PRRC1: variants seen among roughly 807,000 people sequenced by gnomAD.
PRRC1 encodes the protein protein PRRC1.
Under a neutral mutation model 40.7 loss-of-function variants are expected in PRRC1, and 39 were observed. That is an observed-to-expected ratio of 0.96 (90% CI 0.74 to 1.25). The LOEUF is 1.25. Ranked by LOEUF, PRRC1 falls within the 50% of genes most tolerant of loss-of-function variation. The pLI is 0.00. For missense variants in PRRC1, 573 were observed against 548.3 expected (o/e 1.05, Z -0.45); for synonymous variants, 175 against 193.3 (o/e 0.91, Z 0.79).
At chr5:127,543,778 AT>A (rs1207825622) in intron 7 of PRRC1, among the ~76,000 whole-genome samples, 1 of 152,002 alleles carries the variant, frequency 6.6e-6, no homozygotes, top group Non-Finnish European at 1.5e-5. Flanking sequence ...ATTCGTCTAA[AT>A]TTTTTTCAAA....
intron 6 of PRRC1, among the ~76,000 whole-genome samples, chr5:127,536,214 T>C (rs941288520): frequency 2.0e-5 from 3 of 151,828 alleles, no homozygotes; most frequent in African/African-American, 7.3e-5. Flanking sequence ...CCAATAAGAG[T>C]TTCTTTGGTG....
At chr5:127,529,512 A>G (rs1183357836) in intron 4 of PRRC1, among the ~76,000 whole-genome samples, 2 of 152,168 alleles carry the variant, frequency 1.3e-5, no homozygotes, top group Non-Finnish European at 2.9e-5. Context: ...GCAGTCTTAA[A>G]TTTCAATTTT....
intron 8 of PRRC1, 163 bp from the exon 9 acceptor site, chr5:127,551,544 C>T: frequency 1.5e-6 from 1 of 685,474 alleles, no homozygotes; most frequent in East Asian, 2.7e-5. Flanking sequence ...TGATTGTGTT[C>T]TAGCCTTGTA....
At position 127,533,693 on chromosome 5, in the gene PRRC1, C is replaced by T. The variant is rs375327219; in HGVS notation, c.828C>T (p.Ala276=). The T allele has an allele frequency of 6.2e-7, 1 of 1,614,044 alleles. No individual in the cohort carries two copies. The highest frequency in any genetic ancestry group is 8.5e-7 in the Non-Finnish European group (1 of 1,179,960). The stretch of plus-strand genomic sequence containing the variant: ...TAAAAGTTGCTGCTGTCCGAGATGC[C>T]TTCCAGGAGGTCTTTGGCTTAGCTG... ...KEVKVAAVRD[A]FQEVFGLAVV... Residue 276 remains alanine (A), a synonymous_variant, in exon 6 of 9, where the codon GCC becomes GCT. Coordinates refer to ENST00000296666, the MANE Select transcript of PRRC1 (RefSeq NM_130809.5).
At chr5:127,545,854 G>C (rs1768204343) in intron 7 of PRRC1, among the ~76,000 whole-genome samples, 1 of 151,932 alleles carries the variant, frequency 6.6e-6, no homozygotes, top group Non-Finnish European at 1.5e-5. Context: ...TTCTCTGGCT[G>C]CTTTTAGGAT....
chr5:127,527,169 T>C (rs1378524827), intron 4 of PRRC1, among the ~76,000 whole-genome samples: 3 of 152,244 alleles, frequency 2.0e-5, no homozygotes, highest in African/African-American at 4.8e-5. Context: ...CATTTTCTAA[T>C]TGTAATTATT....
Position 127,553,658 on chromosome 5 carries a change from C to T in PRRC1, c.*1742C>T, listed in dbSNP as rs1580958740. ...TTACTTAAAATAGTTCTGCTACTTTCCCTCCTATTATAAGGAAATCTTACA... is the reference window on the plus strand; with the variant it reads ...TTACTTAAAATAGTTCTGCTACTTTTCCTCCTATTATAAGGAAATCTTACA... On this transcript the variant is annotated 3_prime_UTR_variant, in exon 9 of 9. Transcript: ENST00000296666. 4 of 1,445,716 alleles carry T rather than the reference C, an allele frequency of 2.8e-6. No homozygotes were observed. The highest frequency in any genetic ancestry group is 5.3e-5 in the Admixed American group (2 of 37,844). The allele number at this position is 1,445,716 out of a possible 1,614,324, so 89.6% of individuals were successfully genotyped here.
intron 6 of PRRC1, among the ~76,000 whole-genome samples, chr5:127,536,251 A>G (rs1767897403): frequency 6.6e-6 from 1 of 151,904 alleles, no homozygotes; most frequent in Non-Finnish European, 1.5e-5. Context: ...AATAAAATTT[A>G]GCAAAGGTAA....
At chr5:127,523,993 G>C (rs1428568259) in intron 2 of PRRC1, 1 of 158,746 alleles carries the variant, frequency 6.3e-6, no homozygotes, top group Non-Finnish European at 1.4e-5. Flanking sequence ...TCCTGCCTCA[G>C]CCTCCCAAGT....
chr5:127,546,346 A>C (rs1227515941), intron 7 of PRRC1, among the ~76,000 whole-genome samples: 1 of 152,178 alleles, frequency 6.6e-6, no homozygotes, highest in Non-Finnish European at 1.5e-5. Context: ...ACCATAGTTA[A>C]CTTTTAAATC....
chr5:127,524,373 A>G (rs1217663560), intron 2 of PRRC1, among the ~76,000 whole-genome samples, 158 bp from the exon 3 acceptor site: 2 of 152,192 alleles, frequency 1.3e-5, no homozygotes, highest in Non-Finnish European at 2.9e-5. Context: ...ACACTCAATT[A>G]TATTTGTTGT....
intron 6 of PRRC1, 150 bp downstream of exon 6, chr5:127,533,936 A>G (rs1032405079): frequency 2.4e-5 from 19 of 785,526 alleles, no homozygotes; most frequent in Non-Finnish European, 4.1e-5. Flanking sequence ...CTATCGTATT[A>G]TGAAGATATA....
intron 6 of PRRC1, chr5:127,533,990 T>C (rs1343224788): frequency 3.1e-6 from 2 of 640,460 alleles, no homozygotes; most frequent in Admixed American, 2.4e-5. Context: ...TTTTGATTAT[T>C]GTGGGAGGGA....
intron 2 of PRRC1, chr5:127,523,970 G>A (rs7728899): frequency 0.019 from 3,051 of 159,808 alleles, 102 homozygotes; most frequent in African/African-American, 0.07. Context: ...CGCCTCCCAG[G>A]TTCAAGTGAT....
intron 5 of PRRC1, among the ~76,000 whole-genome samples, chr5:127,531,246 G>C (rs978694500): frequency 3.3e-5 from 5 of 152,162 alleles, no homozygotes; most frequent in African/African-American, 1.2e-4. Flanking sequence ...TTTTGGACGA[G>C]GAATCTAGGT....
chr5:127,522,341 A>C (rs1223465838), intron 1 of PRRC1, among the ~76,000 whole-genome samples: 1 of 152,206 alleles, frequency 6.6e-6, no homozygotes, highest in African/African-American at 2.4e-5. Context: ...ATATGCTTTA[A>C]AATGTGAACT....
At chr5:127,542,611 C>T (rs1223239721) in intron 7 of PRRC1, among the ~76,000 whole-genome samples, 17 of 151,352 alleles carry the variant, frequency 1.1e-4, no homozygotes, top group South Asian at 6.4e-4. Context: ...TTGAATTGAT[C>T]CCTTTACCAT....
At chr5:127,525,025 C>G (rs1305621444) in intron 3 of PRRC1, 105 bp downstream of exon 3, 1 of 1,162,570 alleles carries the variant, frequency 8.6e-7, no homozygotes, top group Non-Finnish European at 1.2e-6. Flanking sequence ...CTACAATTCA[C>G]CCAATTCAAA....
At chr5:127,524,447 C>G in intron 2 of PRRC1, 84 bp from the exon 3 acceptor site, 2 of 1,418,344 alleles carry the variant, frequency 1.4e-6, no homozygotes, top group Non-Finnish European at 9.5e-7. Context: ...AAAAATTTTG[C>G]AAGAAGAAAG....
Sources: allele counts gnomAD v4.1 joint callset (sites outside exome capture counted in the v4.1 genomes callset), GRCh38; gene constraint gnomAD v4.1.1; transcripts MANE v1.5; gene names NCBI Gene and HGNC (gene_info 2026-07-23, HGNC 2026-07-21).